EPM2A: variants seen among roughly 807,000 people sequenced by gnomAD.
EPM2A encodes the protein laforin.
A neutral mutation model predicts 26.5 loss-of-function variants in EPM2A; 21 were observed. That is an observed-to-expected ratio of 0.79 (90% CI 0.56 to 1.14). The LOEUF (loss-of-function observed/expected upper bound fraction) is 1.14, where lower values mean the gene tolerates loss of function less well. Among genes scored for constraint, EPM2A ranks in the 50% most tolerant of loss-of-function variants. EPM2A has a pLI of 0.00. For missense variants in EPM2A, 458 were observed against 440.8 expected, an observed-to-expected ratio of 1.04 and a Z score of -0.35; for synonymous variants, 217 against 177.6, an observed-to-expected ratio of 1.22 and a Z score of -1.76.
At chr6:145,443,038 T>C (rs1204879430) in intron 4 of EPM2A, among the ~76,000 whole-genome samples, 1 of 151,990 alleles carries the variant, frequency 6.6e-6, no homozygotes, top group Non-Finnish European at 1.5e-5. Context: ...TTTTTGTGTG[T>C]GTGTGTGTGT....
intron 4 of EPM2A, among the ~76,000 whole-genome samples, chr6:145,392,347 G>A (rs558943239): frequency 2.0e-4 from 31 of 152,296 alleles, no homozygotes; most frequent in African/African-American, 7.0e-4. Context: ...AACTTGACCA[G>A]TATATTTAAA....
chr6:145,723,700 T>C (rs1387431776), intron 1 of EPM2A, among the ~76,000 whole-genome samples: 1 of 152,010 alleles, frequency 6.6e-6, no homozygotes, highest in African/African-American at 2.4e-5. Flanking sequence ...ACAAGATGAA[T>C]GATATAAATG....
chr6:145,516,598 C>T (rs1451274826), intron 2 of EPM2A, among the ~76,000 whole-genome samples: 1 of 152,076 alleles, frequency 6.6e-6, no homozygotes, highest in Non-Finnish European at 1.5e-5. Flanking sequence ...TCATGTGTGT[C>T]CAGAAATTAT....
chr6:145,536,255 TTTTGTTTTTG>T (rs1167679264), intron 2 of EPM2A, among the ~76,000 whole-genome samples: 3 of 146,320 alleles, frequency 2.1e-5, no homozygotes, highest in Non-Finnish European at 4.5e-5. Context: ...GGTTTTTTGT[TTTTGTTTTTG>T]TTTTTGTTTT....
At chr6:145,610,838 G>C (rs1775376868) in intron 2 of EPM2A, among the ~76,000 whole-genome samples, 1 of 152,182 alleles carries the variant, frequency 6.6e-6, no homozygotes, top group African/African-American at 2.4e-5. Context: ...ATCAGGACCT[G>C]AGCACTCACT....
At chr6:145,384,518 T>A (rs1778232772) in intron 4 of EPM2A, among the ~76,000 whole-genome samples, 1 of 147,762 alleles carries the variant, frequency 6.8e-6, no homozygotes, top group African/African-American at 2.5e-5. Flanking sequence ...TGGATCAGCC[T>A]GCAGAGTTGT....
chr6:145,496,178 T>A (rs1463012403), intron 4 of EPM2A, among the ~76,000 whole-genome samples: 4 of 152,250 alleles, frequency 2.6e-5, no homozygotes, highest in Admixed American at 2.6e-4. Flanking sequence ...CTGCTGTTAG[T>A]CTGATGGGCT....
intron 4 of EPM2A, among the ~76,000 whole-genome samples, chr6:145,411,613 A>T (rs1264938500): frequency 3.3e-5 from 5 of 152,228 alleles, no homozygotes; most frequent in Non-Finnish European, 5.9e-5. Flanking sequence ...AAGCATTTTA[A>T]AATTATTTTA....
At chr6:145,580,554 C>T (rs1475817992) in intron 2 of EPM2A, among the ~76,000 whole-genome samples, 1 of 151,652 alleles carries the variant, frequency 6.6e-6, no homozygotes, top group African/African-American at 2.4e-5. Flanking sequence ...GGTACAGGCA[C>T]AGGTTTGCTA....
downstream of EPM2A, among the ~76,000 whole-genome samples, chr6:145,625,000 T>C (rs1222143238): frequency 3.3e-5 from 5 of 152,204 alleles, no homozygotes; most frequent in Non-Finnish European, 7.3e-5. Flanking sequence ...ATGATTGCCT[T>C]TGAGAAATCC....
intron 2 of EPM2A, among the ~76,000 whole-genome samples, chr6:145,678,254 C>T (rs1034947098): frequency 6.7e-6 from 1 of 149,756 alleles, no homozygotes. Context: ...GGATCCCGTC[C>T]TTACACATTG....
chr6:145,520,852 T>A (rs1780193412), intron 2 of EPM2A, among the ~76,000 whole-genome samples: 1 of 152,194 alleles, frequency 6.6e-6, no homozygotes, highest in African/African-American at 2.4e-5. Flanking sequence ...AATGTAATGG[T>A]TAATCAAAGA....
At chr6:145,700,340 TTTG>T (rs1223232227) in intron 1 of EPM2A, among the ~76,000 whole-genome samples, 11 of 152,260 alleles carry the variant, frequency 7.2e-5, no homozygotes, top group African/African-American at 2.6e-4. Context: ...TGTCTAGACT[TTTG>T]TTGTTGTTGT....
intron 4 of EPM2A, among the ~76,000 whole-genome samples, chr6:145,397,679 C>G (rs1262459601): frequency 2.0e-5 from 3 of 152,160 alleles, no homozygotes; most frequent in Non-Finnish European, 2.9e-5. Flanking sequence ...CTGGAAAATA[C>G]ATCAGTTAAA....
intron 3 of EPM2A, chr6:145,628,649 T>C (rs1289172054): frequency 6.6e-6 from 1 of 152,190 alleles, no homozygotes; most frequent in East Asian, 1.9e-4. Flanking sequence ...GACTTGGCAT[T>C]CTCTAGCTAC....
intron 4 of EPM2A, among the ~76,000 whole-genome samples, chr6:145,486,796 T>C (rs1283269898): frequency 6.6e-6 from 1 of 152,210 alleles, no homozygotes; most frequent in Admixed American, 6.5e-5. Context: ...TGAATAATAT[T>C]CTATTATACT....
At chr6:145,729,162 G>A (rs1369571703) in intron 1 of EPM2A, among the ~76,000 whole-genome samples, 1 of 152,196 alleles carries the variant, frequency 6.6e-6, no homozygotes, top group Non-Finnish European at 1.5e-5. Context: ...TAGATATCCA[G>A]GCAGAAGTCT....
chr6:145,523,051 T>C (rs748413906), intron 2 of EPM2A, among the ~76,000 whole-genome samples: 18 of 152,200 alleles, frequency 1.2e-4, no homozygotes, highest in Non-Finnish European at 2.9e-5. Context: ...ATCCTATTCT[T>C]ATCTATATTC....
chr6:145,620,652 T>C (rs1360710773), downstream of EPM2A, among the ~76,000 whole-genome samples: 3 of 152,228 alleles, frequency 2.0e-5, no homozygotes, highest in Admixed American at 6.5e-5. Context: ...TCTTGATAAG[T>C]ATGGTAATGA....
Sources: gnomAD v4.1 joint callset for allele counts (sites outside exome capture counted in the v4.1 genomes callset) on GRCh38, gnomAD v4.1.1 for gene constraint, MANE v1.5 for transcripts, NCBI Gene and HGNC (gene_info 2026-07-23, HGNC 2026-07-21) for gene names.